The following HIBADH variants were observed in gnomAD, a reference collection of about 807,000 sequenced individuals.
HIBADH encodes the protein 3-hydroxyisobutyrate dehydrogenase.
A neutral mutation model predicts 36.1 loss-of-function variants in HIBADH; 25 were observed. The ratio of observed to expected loss-of-function variants is 0.69; its 90% CI spans 0.50 to 0.97. The LOEUF is 0.97. Among genes scored for constraint, HIBADH ranks in the 50% least tolerant of loss-of-function variants. The probability of loss-of-function intolerance (pLI) is 0.00; values close to 1 mark genes in which losing one functional copy is unlikely to be tolerated. For synonymous variants in HIBADH, 160 were observed against 149.5 expected (o/e 1.07, Z -0.51); for missense variants, 421 against 418.0 (o/e 1.01, Z -0.06).
At chr7:27,553,594 A>G (rs761083638) in intron 4 of HIBADH, among the ~76,000 whole-genome samples, 1 of 152,312 alleles carries the variant, frequency 6.6e-6, no homozygotes, top group East Asian at 1.9e-4. Context: ...AGAAATGCAG[A>G]GTGGGGTTTT....
rs148153152 is a variant in HIBADH, at chr7:27,650,460, TTTTATTTATTTA to T, written c.92-839_92-828del. ...GAAAAGAGAGACTTCCTTATTATAT[TTTTATTTATTTA>T]TTTATTTATTTATTTATTTATTTAT... is the stretch of plus-strand genomic sequence containing the variant. On this transcript the variant is annotated intron_variant, in intron 1 of 7. Coordinates refer to ENST00000265395, the MANE Select transcript of HIBADH (RefSeq NM_152740.4). Among the ~76,000 whole-genome samples, 1,210 of 140,198 alleles carry T rather than the reference TTTTATTTATTTA, an allele frequency of 8.6e-3. 15 individuals are homozygous for T. The highest frequency in any genetic ancestry group is 0.025 in the African/African-American group (965 of 38,826). The allele number at this position is 140,198 out of a possible 152,430, so 92.0% of individuals were successfully genotyped here. A position where few individuals can be genotyped will look rare whatever the true frequency, so the allele number is the denominator to read the frequency against.
At chr7:27,544,371 G>C (rs532245584) in intron 4 of HIBADH, among the ~76,000 whole-genome samples, 1 of 152,252 alleles carries the variant, frequency 6.6e-6, no homozygotes. Context: ...GGAAGAGTGA[G>C]TGCCCACATG....
At chr7:27,652,107 A>C (rs900835857) in intron 1 of HIBADH, among the ~76,000 whole-genome samples, 1 of 152,218 alleles carries the variant, frequency 6.6e-6, no homozygotes, top group African/African-American at 2.4e-5. Context: ...ACCTATTACC[A>C]TATGCTATAT....
intron 4 of HIBADH, among the ~76,000 whole-genome samples, chr7:27,628,980 G>A (rs73684009): frequency 2.0e-5 from 3 of 152,066 alleles, no homozygotes; most frequent in African/African-American, 7.2e-5. Flanking sequence ...AAAATGATCT[G>A]AGCCAATGCT....
intron 2 of HIBADH, among the ~76,000 whole-genome samples, chr7:27,641,207 T>G (rs866019252): frequency 1.8e-5 from 1 of 54,954 alleles, no homozygotes; most frequent in African/African-American, 1.1e-4. Flanking sequence ...AGTTTTTGCT[T>G]TCAAAAAAAA....
intron 4 of HIBADH, among the ~76,000 whole-genome samples, chr7:27,588,594 G>A (rs1319914899): frequency 6.6e-6 from 1 of 152,246 alleles, no homozygotes; most frequent in African/African-American, 2.4e-5. Flanking sequence ...GCCTCCCAAA[G>A]TGCTAGGATT....
chr7:27,591,388 A>T (rs1403111027), intron 4 of HIBADH, among the ~76,000 whole-genome samples: 5 of 151,890 alleles, frequency 3.3e-5, no homozygotes, highest in African/African-American at 4.8e-5. Flanking sequence ...TGACTCTACT[A>T]AAAATACAAA....
chr7:27,560,725 T>C (rs1326305430), intron 4 of HIBADH, among the ~76,000 whole-genome samples: 1 of 152,210 alleles, frequency 6.6e-6, no homozygotes, highest in Non-Finnish European at 1.5e-5. Flanking sequence ...TGTCCATTTA[T>C]CCACTGATGG....
chr7:27,551,595 TGATA>T (rs200362064), intron 4 of HIBADH, among the ~76,000 whole-genome samples: 99,268 of 151,980 alleles, frequency 0.65, 33,353 homozygotes, highest in East Asian at 0.94. Context: ...ATGCAGGTGC[TGATA>T]ACTTAGACGA....
chr7:27,643,792 C>T (rs1352057087), intron 2 of HIBADH, among the ~76,000 whole-genome samples: 1 of 152,136 alleles, frequency 6.6e-6, no homozygotes, highest in Non-Finnish European at 1.5e-5. Context: ...TCTGTCTTTG[C>T]CTTTTCCAGC....
At chr7:27,597,315 G>T (rs1255768832) in intron 4 of HIBADH, among the ~76,000 whole-genome samples, 1 of 151,970 alleles carries the variant, frequency 6.6e-6, no homozygotes, top group African/African-American at 2.4e-5. Context: ...AGATAGTAGG[G>T]ACTAAATAAA....
intron 4 of HIBADH, among the ~76,000 whole-genome samples, chr7:27,576,352 G>A (rs1784709999): frequency 6.6e-6 from 1 of 151,904 alleles, no homozygotes. Flanking sequence ...AATGATGGAG[G>A]GCCAACATCA....
chr7:27,651,532 G>A (rs990940100), intron 1 of HIBADH, among the ~76,000 whole-genome samples: 10 of 152,172 alleles, frequency 6.6e-5, no homozygotes, highest in Admixed American at 3.3e-4. Context: ...ATAATAGCCA[G>A]AAAGAAAATG....
At chr7:27,566,615 C>T (rs2033058436) in intron 4 of HIBADH, among the ~76,000 whole-genome samples, 1 of 151,778 alleles carries the variant, frequency 6.6e-6, no homozygotes, top group Non-Finnish European at 1.5e-5. Flanking sequence ...TTTTCTTTTT[C>T]TAGTTTCTCA....
intron 2 of HIBADH, 181 bp downstream of exon 2, chr7:27,649,292 A>G (rs13244903): frequency 0.74 from 350,331 of 474,058 alleles, 130,971 homozygotes; most frequent in East Asian, 0.94. Context: ...CTGAATGTCT[A>G]ACGAGAACTC....
rs1783890980 is a variant in HIBADH at position 27,526,041 on chromosome 7, T to G, written c.*173A>C. 2.1e-6 allele frequency: 1 copy of G among 485,716 alleles called. No homozygotes were observed. Among genetic ancestry groups the G allele is most frequent in the Admixed American group, 4.4e-5 (1 of 22,916 alleles). 30.1% of individuals were successfully genotyped at this position (485,716 alleles called of 1,614,324 possible). On this transcript the variant is annotated 3_prime_UTR_variant, in exon 8 of 8. Coordinates refer to ENST00000265395, the MANE Select transcript of HIBADH (RefSeq NM_152740.4). ...AGAAAAAAAATTCGGATAATATGTTTGTTAAAAAGACAAAAAGAATAAGCG... is the reference window on the plus strand; with the variant it reads ...AGAAAAAAAATTCGGATAATATGTTGGTTAAAAAGACAAAAAGAATAAGCG...
At chr7:27,581,078 G>A (rs1456320990) in intron 4 of HIBADH, among the ~76,000 whole-genome samples, 1 of 152,162 alleles carries the variant, frequency 6.6e-6, no homozygotes, top group Non-Finnish European at 1.5e-5. Flanking sequence ...AAGAGAAGGT[G>A]TGAAATAATT....
intron 1 of HIBADH, among the ~76,000 whole-genome samples, chr7:27,654,158 C>T (rs1328298757): frequency 6.6e-6 from 1 of 151,892 alleles, no homozygotes; most frequent in Non-Finnish European, 1.5e-5. Context: ...AGATTAATAA[C>T]CTTGAAGATA....
chr7:27,531,157 T>C lies in HIBADH; in HGVS notation c.852+35A>G, dbSNP rs1443947095. ...AGGTGTTATTGGACCGTGAAACGTT[T>C]TTCCTTCTCTCTTGGGTGTCTACAT... On this transcript the variant is annotated intron_variant, in intron 7 of 7. Coordinates refer to ENST00000265395, the MANE Select transcript of HIBADH (RefSeq NM_152740.4). The C allele has an allele frequency of 1.9e-6, 3 of 1,574,382 alleles. No individual in the cohort carries two copies. The East Asian group carries it at 6.8e-5, about 36-fold the overall frequency.
Sources: gnomAD v4.1 joint callset for allele counts (sites outside exome capture counted in the v4.1 genomes callset) on GRCh38, gnomAD v4.1.1 for gene constraint, MANE v1.5 for transcripts, NCBI Gene and HGNC (gene_info 2026-07-23, HGNC 2026-07-21) for gene names.